Variants in DSG3 observed in about 807,000 individuals in gnomAD.
The protein encoded by DSG3 is desmoglein 3.
A neutral mutation model predicts 85.9 loss-of-function variants in DSG3; 63 were observed. The ratio of observed to expected loss-of-function variants is 0.73; its 90% CI spans 0.60 to 0.90. DSG3 has a LOEUF of 0.90. Ranked by LOEUF, DSG3 falls within the 40% of genes least tolerant of loss-of-function variation. DSG3 has a pLI of 0.00. For missense variants in DSG3, 1,220 were observed against 1,219.9 expected, an observed-to-expected ratio of 1.00 and a Z score of 0.00; for synonymous variants, 447 against 441.9, an observed-to-expected ratio of 1.01 and a Z score of -0.14.
At position 31,478,291 on chromosome 18, in the gene DSG3, A is replaced by C. The variant is rs1307144414; in HGVS notation, c.*2031A>C. On this transcript the variant is annotated 3_prime_UTR_variant, in exon 16 of 16. Coordinates refer to ENST00000257189, the MANE Select transcript of DSG3 (RefSeq NM_001944.3). ...AGCTAACTTGTGCCTCTGCTTATGC[A>C]TGAGGGTTAAATTAACAACCATAAC... is the stretch of plus-strand genomic sequence containing the variant. 6.6e-6 allele frequency: 1 copy of C among 152,214 alleles called. No individual in the cohort carries two copies. The highest frequency in any genetic ancestry group is 1.5e-5 in the Non-Finnish European group (1 of 68,040). 9.4% of individuals were successfully genotyped at this position (152,214 alleles called of 1,614,324 possible).
At position 31,460,795 on chromosome 18, in the gene DSG3, G is replaced by A. The variant is rs116235333; in HGVS notation, c.685-38G>A. The A allele has an allele frequency of 1.9e-3, 2,889 of 1,519,954 alleles. 49 individuals are homozygous for A. In the African/African-American group the frequency reaches 0.037, roughly 20 times the overall value. The allele number at this position is 1,519,954 out of a possible 1,614,324, so 94.2% of individuals were successfully genotyped here. A position where few individuals can be genotyped will look rare whatever the true frequency, so the allele number is the denominator to read the frequency against. On this transcript the variant is annotated intron_variant, in intron 6 of 15. Coordinates refer to ENST00000257189, the MANE Select transcript of DSG3 (RefSeq NM_001944.3). ...AGTAGTTTCCATTTATAATTCTTTG[G>A]GATTAATTATTTTTCTTTATTTTTT...
At chr18:31,455,432 G>C (rs550730715) in intron 1 of DSG3, among the ~76,000 whole-genome samples, 1 of 152,210 alleles carries the variant, frequency 6.6e-6, no homozygotes, top group Admixed American at 6.5e-5. Flanking sequence ...CACTGAACTG[G>C]AAAGTTTACA....
In DSG3 at chr18:31,464,267, G is replaced by T. The variant is rs763070535; in HGVS notation, c.1156G>T (p.Ala386Ser). ...AAGAGAAGGAATTGCATTCCGTCCT[G>T]CTTCCAAGACATTTACTGTGCAAAA... ...NVREGIAFRP[A>S]SKTFTVQKGI... The change falls in exon 9 of 16, where the codon GCT (alanine) becomes TCT (serine). Residue 386 changes from alanine (A) to serine (S), a missense_variant. Transcript: ENST00000257189. The T allele has an allele frequency of 1.2e-6, 2 of 1,614,150 alleles. No individual in the cohort carries two copies. Among genetic ancestry groups the T allele is most frequent in the Non-Finnish European group, 1.7e-6 (2 of 1,180,014 alleles).
intron 11 of DSG3, among the ~76,000 whole-genome samples, chr18:31,467,470 G>A (rs2072829278): frequency 6.6e-6 from 1 of 152,212 alleles, no homozygotes; most frequent in East Asian, 1.9e-4. Flanking sequence ...TCTGCTCAAG[G>A]CTCACAGGGA....
intron 9 of DSG3, among the ~76,000 whole-genome samples, chr18:31,465,109 G>T (rs1162292288): frequency 1.4e-5 from 2 of 147,052 alleles, no homozygotes; most frequent in Non-Finnish European, 3.0e-5. Context: ...CGGGCAACAA[G>T]AGCGAAACTC....
intron 12 of DSG3, among the ~76,000 whole-genome samples, chr18:31,471,282 A>T (rs7234137): frequency 6.6e-6 from 1 of 152,184 alleles, no homozygotes; most frequent in Non-Finnish European, 1.5e-5. Context: ...ACCCTAAAAA[A>T]ATAGTATTAA....
chr18:31,461,187 C>G, intron 7 of DSG3, 40 bp from the exon 8 acceptor site: 5 of 1,526,576 alleles, frequency 3.3e-6, no homozygotes, highest in Non-Finnish European at 4.4e-6. Flanking sequence ...CCATGTAAAA[C>G]CTGTCATTAG....
chr18:31,470,068 G>A (rs1372811793), intron 12 of DSG3, among the ~76,000 whole-genome samples: 2 of 151,936 alleles, frequency 1.3e-5, no homozygotes, highest in Non-Finnish European at 2.9e-5. Context: ...TCAATAGATA[G>A]GTTTCTGAAA....
chr18:31,472,623 T>C, intron 13 of DSG3, 102 bp from the exon 14 acceptor site: 2 of 1,346,628 alleles, frequency 1.5e-6, no homozygotes, highest in Non-Finnish European at 2.1e-6. Context: ...TTGCACTTCT[T>C]GTAATGTTAT....
chr18:31,467,896 C>T (rs747059656), intron 11 of DSG3, among the ~76,000 whole-genome samples: 2 of 152,304 alleles, frequency 1.3e-5, no homozygotes, highest in Non-Finnish European at 2.9e-5. Context: ...AGATCTATCT[C>T]CAAACTGTGC....
chr18:31,452,524 A>G (rs2072718016), intron 1 of DSG3, among the ~76,000 whole-genome samples: 1 of 82,808 alleles, frequency 1.2e-5, no homozygotes, highest in African/African-American at 6.8e-5. Flanking sequence ...TCTCAAAAAA[A>G]AAAAAAAAAA....
chr18:31,448,819 G>GA (rs58672377), intron 1 of DSG3, among the ~76,000 whole-genome samples: 33,870 of 151,880 alleles, frequency 0.22, 3,951 homozygotes, highest in South Asian at 0.35. Context: ...ATTTCTTCAT[G>GA]AAAAAAATTG....
In DSG3 at chr18:31,447,916, C is replaced by G; in HGVS notation, c.39C>G (p.Ala13=). The G allele has an allele frequency of 6.3e-7, 1 of 1,584,748 alleles. No homozygotes were observed. Among genetic ancestry groups the G allele is most frequent in the Non-Finnish European group, 8.6e-7 (1 of 1,167,532 alleles). The change falls in exon 1 of 16, where the codon GCC becomes GCG. Residue 13 remains alanine (A), a synonymous_variant. Transcript: ENST00000257189. ...GLFPRTTGAL[A]IFVVVILVHG... Reference sequence around the variant, plus strand: ...TCCCCAGAACTACAGGGGCTCTGGCCATCTTCGTGGTAAGTCCTGGATTTT... The same window carrying G: ...TCCCCAGAACTACAGGGGCTCTGGCGATCTTCGTGGTAAGTCCTGGATTTT...
At chr18:31,458,017 T>A (rs2072759929) in intron 3 of DSG3, among the ~76,000 whole-genome samples, 2 of 152,174 alleles carry the variant, frequency 1.3e-5, no homozygotes, top group Non-Finnish European at 2.9e-5. Flanking sequence ...ATTATTTTAA[T>A]ACATATTTTA....
Position 31,466,720 on chromosome 18 carries a change from G to C in DSG3, c.1602G>C (p.Lys534Asn). ...YTFALEDQPV[K>N]LPAVWSITTL... ...TTGCACTGGAAGATCAACCTGTAAAGTTGCCTGCCGTATGGAGTATCACAA... is the reference window on the plus strand; with the variant it reads ...TTGCACTGGAAGATCAACCTGTAAACTTGCCTGCCGTATGGAGTATCACAA... The change falls in exon 11 of 16, where the codon AAG (lysine) becomes AAC (asparagine). Residue 534 changes from lysine (K) to asparagine (N), a missense_variant. By Grantham distance (94) the Lys-to-Asn change is moderately conservative. Transcript: ENST00000257189. 6.2e-7 allele frequency: 1 copy of C among 1,614,188 alleles called. No individual in the cohort carries two copies. The highest frequency in any genetic ancestry group is 8.5e-7 in the Non-Finnish European group (1 of 1,180,040).
At chr18:31,449,260 G>C (rs2072696899) in intron 1 of DSG3, among the ~76,000 whole-genome samples, 1 of 152,176 alleles carries the variant, frequency 6.6e-6, no homozygotes, top group Non-Finnish European at 1.5e-5. Context: ...TATTTGAAAG[G>C]AGGATGTTGT....
intron 1 of DSG3, among the ~76,000 whole-genome samples, chr18:31,452,434 G>A (rs1287891942): frequency 1.4e-5 from 2 of 146,068 alleles, no homozygotes; most frequent in Admixed American, 7.2e-5. Context: ...AAGGAGAATC[G>A]CTTGAACCCG....
Position 31,447,906 on chromosome 18 carries a change from GGGCTCT to G in DSG3, c.33_38del (p.Leu12_Ala13del), listed in dbSNP as rs769524178. 9 of 1,586,426 alleles carry G rather than the reference GGGCTCT, an allele frequency of 5.7e-6. No individual in the cohort carries two copies. In the South Asian group the frequency reaches 1.0e-4, roughly 18 times the overall value. ...ATGGGGCTCTTCCCCAGAACTACAG[GGGCTCT>G]GGCCATCTTCGTGGTAAGTCCTGGA... On this transcript the variant is annotated inframe_deletion, in exon 1 of 16. Coordinates refer to ENST00000257189, the MANE Select transcript of DSG3 (RefSeq NM_001944.3).
chr18:31,476,135 G>A lies in DSG3; in HGVS notation c.2875G>A (p.Val959Met), dbSNP rs767994821. 1.2e-6 allele frequency: 2 copies of A among 1,614,168 alleles called. No homozygotes were observed. The highest frequency in any genetic ancestry group is 2.2e-5 in the South Asian group (2 of 91,080). The change falls in exon 16 of 16, where the codon GTG becomes ATG. Residue 959 changes from valine (V) to methionine (M), a missense_variant. Val to Met is a conservative substitution (Grantham distance 21). Coordinates refer to ENST00000257189, the MANE Select transcript of DSG3 (RefSeq NM_001944.3). ...AGFDPLLTQN[V>M]IVTERVICPI... ...CTTTGATCCACTTCTCACACAAAAT[G>A]TGATAGTGACAGAAAGGGTGATCTG...
Sources: gnomAD v4.1 joint callset for allele counts (sites outside exome capture counted in the v4.1 genomes callset) on GRCh38, gnomAD v4.1.1 for gene constraint, MANE v1.5 for transcripts, NCBI Gene and HGNC (gene_info 2026-07-23, HGNC 2026-07-21) for gene names.